The following AZI2 variants were observed in gnomAD, a reference collection of about 807,000 sequenced individuals.
AZI2 encodes the protein 5-azacytidine-induced protein 2.
Under a neutral mutation model 45.8 loss-of-function variants are expected in AZI2, and 22 were observed. That is an observed-to-expected ratio of 0.48 (90% CI 0.34 to 0.69). AZI2 has a LOEUF of 0.69. Among genes scored for constraint, AZI2 ranks in the 30% least tolerant of loss-of-function variants. The pLI is 0.01. For missense variants in AZI2, 417 were observed against 441.5 expected (o/e 0.94, Z 0.50); for synonymous variants, 137 against 156.7 (o/e 0.87, Z 0.94).
chr3:28,347,984 G>C (rs1011654228), intron 1 of AZI2, among the ~76,000 whole-genome samples: 9 of 152,214 alleles, frequency 5.9e-5, no homozygotes, highest in African/African-American at 2.2e-4. Context: ...TGGAGCAACT[G>C]ATGGTTTGAT....
At chr3:28,331,430 T>C (rs562801801) in intron 6 of AZI2, among the ~76,000 whole-genome samples, 1 of 151,702 alleles carries the variant, frequency 6.6e-6, no homozygotes, top group South Asian at 2.1e-4. Flanking sequence ...ATTGAAGTAC[T>C]GTTCAAATGG....
intron 7 of AZI2, among the ~76,000 whole-genome samples, chr3:28,325,362 C>A (rs550186618): frequency 7.3e-5 from 11 of 150,922 alleles, no homozygotes; most frequent in Non-Finnish European, 4.5e-5. Context: ...ACAGATTGAA[C>A]GACATTATAA....
At chr3:28,335,991 G>A (rs1703773337) in intron 5 of AZI2, among the ~76,000 whole-genome samples, 1 of 152,006 alleles carries the variant, frequency 6.6e-6, no homozygotes, top group African/African-American at 2.4e-5. Flanking sequence ...TCTGCATTTG[G>A]TGCATTGCTC....
intron 2 of AZI2, 122 bp from the exon 3 acceptor site, chr3:28,338,737 T>C: frequency 2.4e-6 from 2 of 850,592 alleles, no homozygotes; most frequent in Non-Finnish European, 3.3e-6. Flanking sequence ...CCTGGATTCA[T>C]TAGGTGAGTA....
At chr3:28,324,795 T>TA (rs531092464) in intron 7 of AZI2, 3 of 181,064 alleles carry the variant, frequency 1.7e-5, no homozygotes, top group Non-Finnish European at 3.4e-5. Flanking sequence ...CTAATACAGT[T>TA]AAAATACAAA....
chr3:28,341,611 G>A (rs1704020672), intron 1 of AZI2: 1 of 151,972 alleles, frequency 6.6e-6, no homozygotes, highest in Non-Finnish European at 1.5e-5. Context: ...AAAACATGAT[G>A]GAAGGAGAAA....
intron 5 of AZI2, 82 bp from the exon 6 acceptor site, chr3:28,332,509 A>G: frequency 8.4e-7 from 1 of 1,183,938 alleles, no homozygotes; most frequent in Non-Finnish European, 1.2e-6. Flanking sequence ...TACCAGAGAC[A>G]TGTTCAGGTT....
At chr3:28,332,492 T>C in intron 5 of AZI2, 65 bp from the exon 6 acceptor site, 1 of 1,346,886 alleles carries the variant, frequency 7.4e-7, no homozygotes, top group South Asian at 1.2e-5. Flanking sequence ...TAGTCTCAGC[T>C]CTTTCTTACC....
chr3:28,331,948 ACT>A (rs909617194), intron 6 of AZI2: 8 of 1,530,620 alleles, frequency 5.2e-6, no homozygotes, highest in Middle Eastern at 3.4e-4. Context: ...TGCTACAGAT[ACT>A]CTGTCTCAAA....
chr3:28,336,596 CA>C, intron 5 of AZI2, 140 bp downstream of exon 5: 1 of 920,940 alleles, frequency 1.1e-6, no homozygotes, highest in Non-Finnish European at 1.5e-6. Flanking sequence ...GGTAGATAAA[CA>C]AGAATTTTTT....
intron 1 of AZI2, among the ~76,000 whole-genome samples, chr3:28,347,387 G>T (rs1376226486): frequency 6.6e-6 from 1 of 152,104 alleles, no homozygotes; most frequent in African/African-American, 2.4e-5. Flanking sequence ...TACCTCTGAG[G>T]TTGTAAAGAA....
At chr3:28,338,845 C>A (rs1453935848) in intron 2 of AZI2, among the ~76,000 whole-genome samples, 1 of 152,118 alleles carries the variant, frequency 6.6e-6, no homozygotes, top group Non-Finnish European at 1.5e-5. Context: ...TTTTATAATT[C>A]ATGGTGTCTG....
rs1703476421 is a variant in AZI2, at chr3:28,328,728, A to C, written c.648-1778T>G. On this transcript the variant is annotated intron_variant, in intron 6 of 7. Transcript: ENST00000479665. ...ACTACAGATAGACAAATCTAAAATT[A>C]TTACTAAGTATAGCTCTCCCTCTTG... Among the ~76,000 whole-genome samples, 3 of 151,398 alleles carry C rather than the reference A, an allele frequency of 2.0e-5. No homozygotes were observed. The South Asian group carries it at 6.2e-4, about 31-fold the overall frequency.
In AZI2 at chr3:28,338,648, G is replaced by A. The variant is rs1382687635; in HGVS notation, c.217-33C>T. 3 of 1,583,972 alleles carry A rather than the reference G, an allele frequency of 1.9e-6. No individual in the cohort carries two copies. In the East Asian group the frequency reaches 6.8e-5, roughly 36 times the overall value. The stretch of plus-strand genomic sequence containing the variant: ...TATGAAATTAGAAGAGAAAGCTTAA[G>A]AGAGTATTCTATAGATAAAAAATAA... On this transcript the variant is annotated intron_variant, in intron 2 of 7. Coordinates refer to ENST00000479665, the MANE Select transcript of AZI2 (RefSeq NM_022461.5).
chr3:28,335,823 A>G (rs576438647), intron 5 of AZI2, among the ~76,000 whole-genome samples: 1 of 152,170 alleles, frequency 6.6e-6, no homozygotes, highest in South Asian at 2.1e-4. Flanking sequence ...AAGAAACACA[A>G]TTCCTCAATA....
At chr3:28,330,118 G>T (rs141642878) in intron 6 of AZI2, among the ~76,000 whole-genome samples, 11 of 151,284 alleles carry the variant, frequency 7.3e-5, no homozygotes, top group African/African-American at 2.7e-4. Context: ...TCCCTGTCTA[G>T]ATCTGGTTTA....
chr3:28,337,924 G>GT lies in AZI2; in HGVS notation c.439+12dup, dbSNP rs757531225. On this transcript the variant is annotated intron_variant, in intron 4 of 7. Coordinates refer to ENST00000479665, the MANE Select transcript of AZI2 (RefSeq NM_022461.5). ...AATTCTGTTAGAATATTTATAACAA[G>GT]TAACTGGCATACCCTGCTGAGTTTC... 5 of 1,451,530 alleles carry GT rather than the reference G, an allele frequency of 3.4e-6. 1 individual carries two copies. Among genetic ancestry groups the GT allele is most frequent in the Middle Eastern group, 3.6e-4 (2 of 5,578 alleles). The allele number at this position is 1,451,530 out of a possible 1,614,324, so 89.9% of individuals were successfully genotyped here. A position where few individuals can be genotyped will look rare whatever the true frequency, so the allele number is the denominator to read the frequency against.
At position 28,347,697 on chromosome 3, in the gene AZI2, C is replaced by T. The variant is rs191401833; in HGVS notation, c.-6+904G>A. ...CTTTAATATTAAAACCTTCTACTTG[C>T]GTAAGATGTCTGGCTTACAAACAAT... On this transcript the variant is annotated intron_variant, in intron 1 of 7. Coordinates refer to ENST00000479665, the MANE Select transcript of AZI2 (RefSeq NM_022461.5). Among the ~76,000 whole-genome samples, 184 of 152,282 alleles carry T rather than the reference C, an allele frequency of 1.2e-3. 1 individual carries two copies. Among genetic ancestry groups the T allele is most frequent in the African/African-American group, 4.0e-3 (167 of 41,552 alleles).
At chr3:28,331,937 G>A (rs1703592770) in intron 6 of AZI2, 3 of 1,539,768 alleles carry the variant, frequency 1.9e-6, no homozygotes, top group African/African-American at 1.4e-5. Context: ...ACTCCAGGCT[G>A]TGCTACAGAT....
Sources: allele counts gnomAD v4.1 joint callset (sites outside exome capture counted in the v4.1 genomes callset), GRCh38; gene constraint gnomAD v4.1.1; transcripts MANE v1.5; gene names NCBI Gene and HGNC (gene_info 2026-07-23, HGNC 2026-07-21).